Variants in DCLK2 observed in about 807,000 individuals in gnomAD.
The protein encoded by DCLK2 is serine/threonine-protein kinase DCLK2.
A neutral mutation model predicts 78.4 loss-of-function variants in DCLK2; 31 were observed. That is an observed-to-expected ratio of 0.40 (90% CI 0.30 to 0.53). The LOEUF (loss-of-function observed/expected upper bound fraction) is 0.53. Ranked by LOEUF, DCLK2 falls within the 20% of genes least tolerant of loss-of-function variation. The pLI is 0.61. For missense variants in DCLK2, 872 were observed against 973.7 expected, an observed-to-expected ratio of 0.90 and a Z score of 1.39; for synonymous variants, 407 against 374.9, an observed-to-expected ratio of 1.09 and a Z score of -0.99.
chr4:150,092,607 A>G (rs1024425638), intron 1 of DCLK2, among the ~76,000 whole-genome samples: 6 of 152,222 alleles, frequency 3.9e-5, no homozygotes, highest in Middle Eastern at 3.4e-3. Context: ...TGAAATGTCT[A>G]TTCAGATCCT....
At chr4:150,111,229 A>G (rs991095227) in intron 2 of DCLK2, among the ~76,000 whole-genome samples, 13 of 152,026 alleles carry the variant, frequency 8.6e-5, no homozygotes, top group African/African-American at 3.1e-4. Context: ...TGCATTTCCC[A>G]GATGATTAAT....
intron 2 of DCLK2, among the ~76,000 whole-genome samples, chr4:150,129,016 C>T (rs555228857): frequency 2.8e-4 from 42 of 152,234 alleles, no homozygotes; most frequent in Non-Finnish European, 3.2e-4. Context: ...TTAATATGTG[C>T]TACTGAGCTT....
intron 1 of DCLK2, among the ~76,000 whole-genome samples, chr4:150,093,235 C>G (rs1049280717): frequency 6.6e-6 from 1 of 152,082 alleles, no homozygotes; most frequent in Non-Finnish European, 1.5e-5. Context: ...ACACTGGAAA[C>G]TATAAAACAT....
chr4:150,239,514 ATTACT>A (rs1479245001), intron 10 of DCLK2, among the ~76,000 whole-genome samples: 2 of 151,922 alleles, frequency 1.3e-5, no homozygotes, highest in African/African-American at 4.8e-5. Flanking sequence ...TGGGGGAAGG[ATTACT>A]TCAGCCCAGA....
At chr4:150,082,421 A>G (rs1297095363) in intron 1 of DCLK2, among the ~76,000 whole-genome samples, 1 of 152,226 alleles carries the variant, frequency 6.6e-6, no homozygotes, top group African/African-American at 2.4e-5. Context: ...TTGAACTCAG[A>G]TGACAAAAGA....
chr4:150,079,528 C>T, intron 1 of DCLK2, 80 bp downstream of exon 1: 12 of 1,363,240 alleles, frequency 8.8e-6, no homozygotes, highest in Non-Finnish European at 1.2e-5. Flanking sequence ...CAGCGGGGAG[C>T]CCGCGGGGTG....
chr4:150,255,034 C>T (rs1470173356), intron 15 of DCLK2, among the ~76,000 whole-genome samples: 3 of 152,192 alleles, frequency 2.0e-5, no homozygotes, highest in Non-Finnish European at 4.4e-5. Context: ...AGCAGCCATT[C>T]CATAGGTGGC....
Position 150,079,078 on chromosome 4 carries a change from A to G in DCLK2, c.51A>G (p.Lys17=). The part of the protein sequence containing the change: ...IELEHFEERD[K]RPRPGSRRGA... ...TGGAGCACTTTGAGGAACGGGACAA[A>G]AGGCCGCGGCCGGGGTCGCGGAGAG... The change falls in exon 1 of 16, where the codon AAA becomes AAG. Residue 17 remains lysine, a synonymous_variant. Transcript: ENST00000296550. 6.4e-7 allele frequency: 1 copy of G among 1,563,596 alleles called. No individual in the cohort carries two copies. Among genetic ancestry groups the G allele is most frequent in the Non-Finnish European group, 8.6e-7 (1 of 1,158,452 alleles).
At chr4:150,235,518 T>C (rs1217584783) in intron 10 of DCLK2, among the ~76,000 whole-genome samples, 2 of 152,046 alleles carry the variant, frequency 1.3e-5, no homozygotes, top group Non-Finnish European at 2.9e-5. Flanking sequence ...GGAGCCCCCT[T>C]GTGTTAGCCC....
intron 5 of DCLK2, among the ~76,000 whole-genome samples, chr4:150,213,116 C>T (rs926584153): frequency 2.6e-5 from 4 of 152,154 alleles, no homozygotes; most frequent in Non-Finnish European, 4.4e-5. Flanking sequence ...CAGAGGGGTG[C>T]GATGAGATTC....
At position 150,155,730 on chromosome 4, in the gene DCLK2, A is replaced by G. The variant is rs556807840; in HGVS notation, c.757-37408A>G. ...TTATGGTGGGCATTGTACATCAATAAGATTGGGATTTCTGAGTTTTTACCC... is the reference window on the plus strand; with the variant it reads ...TTATGGTGGGCATTGTACATCAATAGGATTGGGATTTCTGAGTTTTTACCC... On this transcript the variant is annotated intron_variant, in intron 2 of 15. Coordinates refer to ENST00000296550, the MANE Select transcript of DCLK2 (RefSeq NM_001040260.4). Among the ~76,000 whole-genome samples, 11 of 152,306 alleles carry G rather than the reference A, an allele frequency of 7.2e-5. No individual in the cohort carries two copies. The South Asian group carries it at 1.9e-3, about 26-fold the overall frequency.
chr4:150,116,172 C>T (rs1475189256), intron 2 of DCLK2, among the ~76,000 whole-genome samples: 4 of 152,170 alleles, frequency 2.6e-5, no homozygotes, highest in African/African-American at 9.7e-5. Flanking sequence ...GGCACTCCTC[C>T]TGTGGGGATG....
rs188884970 is a variant in DCLK2 at position 150,172,069 on chromosome 4, T to A, written c.757-21069T>A. Among the ~76,000 whole-genome samples, 16 of 152,354 alleles carry A rather than the reference T, an allele frequency of 1.1e-4. No homozygotes were observed. The East Asian group carries it at 3.1e-3, about 29-fold the overall frequency. On this transcript the variant is annotated intron_variant, in intron 2 of 15. Coordinates refer to ENST00000296550, the MANE Select transcript of DCLK2 (RefSeq NM_001040260.4). ...TGTTCAAGCTCTTTTTAGTTGTTGC[T>A]CCTCCAGTGCCTAGCTTTGAGCTTT...
chr4:150,169,227 G>T (rs968343260), intron 2 of DCLK2, among the ~76,000 whole-genome samples: 1 of 152,108 alleles, frequency 6.6e-6, no homozygotes, highest in Non-Finnish European at 1.5e-5. Flanking sequence ...AAAAATCCCT[G>T]CACAGGACTG....
rs76513359 is a variant in DCLK2 at position 150,117,602 on chromosome 4, C to T, written c.756+14790C>T. 1.1e-4 allele frequency among the ~76,000 whole-genome samples: 17 copies of T among 152,282 alleles called. No individual in the cohort carries two copies. In the East Asian group the frequency reaches 3.3e-3, roughly 29 times the overall value. Reference sequence around the variant, plus strand: ...TAGCTGGCCGACTTCTGCAAGGTCCCCTGTGAGGTGGGATCAGAAATGGCT... The same window carrying T: ...TAGCTGGCCGACTTCTGCAAGGTCCTCTGTGAGGTGGGATCAGAAATGGCT... On this transcript the variant is annotated intron_variant, in intron 2 of 15. Coordinates refer to ENST00000296550, the MANE Select transcript of DCLK2 (RefSeq NM_001040260.4).
intron 3 of DCLK2, among the ~76,000 whole-genome samples, chr4:150,195,300 A>AAC (rs1560857199): frequency 2.1e-4 from 1 of 4,654 alleles, no homozygotes; most frequent in African/African-American, 4.3e-4. Flanking sequence ...ATTATATATT[A>AAC]TATATTATAT....
At chr4:150,248,484 C>T (rs1385080861) in intron 14 of DCLK2, 99 bp downstream of exon 14, 7 of 962,192 alleles carry the variant, frequency 7.3e-6, no homozygotes, top group Non-Finnish European at 1.2e-5. Flanking sequence ...GTTATGCATC[C>T]AAGCTCCATG....
chr4:150,160,223 G>C (rs1031739959), intron 2 of DCLK2, among the ~76,000 whole-genome samples: 3 of 152,018 alleles, frequency 2.0e-5, no homozygotes, highest in Non-Finnish European at 4.4e-5. Flanking sequence ...TCACCACGTT[G>C]CCCAGGCTGG....
At chr4:150,141,513 G>A (rs1734101469) in intron 2 of DCLK2, among the ~76,000 whole-genome samples, 1 of 152,146 alleles carries the variant, frequency 6.6e-6, no homozygotes, top group South Asian at 2.1e-4. Context: ...GGCACCTGGT[G>A]GGTAGGGCTT....
Sources: gnomAD v4.1 joint callset for allele counts (sites outside exome capture counted in the v4.1 genomes callset) on GRCh38, gnomAD v4.1.1 for gene constraint, MANE v1.5 for transcripts, NCBI Gene and HGNC (gene_info 2026-07-23, HGNC 2026-07-21) for gene names.